Variants in PON2 observed in about 807,000 individuals in gnomAD.
The protein encoded by PON2 is paraoxonase 2.
Under a neutral mutation model 36.6 loss-of-function variants are expected in PON2, and 27 were observed. That is an observed-to-expected ratio of 0.74 (90% CI 0.54 to 1.02). The LOEUF is 1.02. Among genes scored for constraint, PON2 ranks in the 50% least tolerant of loss-of-function variants. PON2 has a pLI of 0.00. For synonymous variants in PON2, 149 were observed against 156.3 expected (o/e 0.95, Z 0.35); for missense variants, 363 against 421.1 (o/e 0.86, Z 1.21).
intron 2 of PON2, among the ~76,000 whole-genome samples, chr7:95,419,128 G>A (rs1191751313): frequency 1.3e-5 from 2 of 152,126 alleles, no homozygotes; most frequent in Non-Finnish European, 2.9e-5. Context: ...TGTTTAAAAG[G>A]TGTAGCTTTA....
intron 3 of PON2, among the ~76,000 whole-genome samples, chr7:95,413,318 C>A (rs1788984215): frequency 6.6e-6 from 1 of 151,946 alleles, no homozygotes; most frequent in South Asian, 2.1e-4. Flanking sequence ...ACAGTTTTGT[C>A]TTTTTCTTTT....
intron 1 of PON2, among the ~76,000 whole-genome samples, 156 bp downstream of exon 1, chr7:95,434,722 C>T (rs1208676956): frequency 6.6e-6 from 1 of 152,196 alleles, no homozygotes; most frequent in Admixed American, 6.5e-5. Flanking sequence ...GGGGGTTCAA[C>T]TAGCTGGGGG....
chr7:95,434,810 TC>T, intron 1 of PON2, 67 bp downstream of exon 1: 1 of 1,503,738 alleles, frequency 6.7e-7, no homozygotes, highest in African/African-American at 1.4e-5. Flanking sequence ...GCCTGCGCCC[TC>T]CCCGCACCAC....
chr7:95,417,257 C>T (rs1212402232), intron 2 of PON2, among the ~76,000 whole-genome samples: 1 of 152,140 alleles, frequency 6.6e-6, no homozygotes, highest in Non-Finnish European at 1.5e-5. Flanking sequence ...TAGCCAGTTG[C>T]CTCCAGTGTT....
At chr7:95,426,539 A>G (rs1464158694) in intron 1 of PON2, among the ~76,000 whole-genome samples, 38 of 152,238 alleles carry the variant, frequency 2.5e-4, no homozygotes, top group Non-Finnish European at 7.3e-5. Context: ...TGCTGGAAGC[A>G]GGGAAGCTTT....
chr7:95,417,460 G>A (rs1161002689), intron 2 of PON2, among the ~76,000 whole-genome samples: 4 of 151,946 alleles, frequency 2.6e-5, no homozygotes, highest in Non-Finnish European at 5.9e-5. Context: ...GTGAACCCTC[G>A]GAAATTCTAT....
At chr7:95,431,859 C>G (rs1263931679) in intron 1 of PON2, among the ~76,000 whole-genome samples, 11 of 151,314 alleles carry the variant, frequency 7.3e-5, no homozygotes, top group Admixed American at 7.3e-4. Flanking sequence ...ATAATTATGT[C>G]CCAAATTCCA....
intron 2 of PON2, among the ~76,000 whole-genome samples, chr7:95,423,037 A>G (rs937419257): frequency 6.2e-4 from 95 of 152,336 alleles, no homozygotes; most frequent in African/African-American, 4.8e-5. Flanking sequence ...AGGAAAGCCA[A>G]TATTGGCTGG....
At chr7:95,424,626 G>C in intron 1 of PON2, 41 bp from the exon 2 acceptor site, 1 of 1,494,326 alleles carries the variant, frequency 6.7e-7, no homozygotes, top group Middle Eastern at 2.2e-4. Context: ...AAAACTATTT[G>C]TTTATGTATT....
intron 3 of PON2, chr7:95,415,947 C>T (rs773659667): frequency 6.3e-5 from 27 of 426,140 alleles, no homozygotes; most frequent in Admixed American, 1.2e-4. Context: ...AACAAGACTC[C>T]GTCTCAAAAA....
At chr7:95,426,987 A>G (rs1290119054) in intron 1 of PON2, among the ~76,000 whole-genome samples, 1 of 152,198 alleles carries the variant, frequency 6.6e-6, no homozygotes, top group African/African-American at 2.4e-5. Flanking sequence ...TTCAGAGTCA[A>G]CTTAGGTTTG....
chr7:95,405,763 C>T (rs1809667885), intron 8 of PON2, among the ~76,000 whole-genome samples: 1 of 152,056 alleles, frequency 6.6e-6, no homozygotes, highest in South Asian at 2.1e-4. Flanking sequence ...ACTAATGTGC[C>T]TACTTTCACA....
At chr7:95,433,408 C>G (rs1025464756) in intron 1 of PON2, among the ~76,000 whole-genome samples, 1 of 152,154 alleles carries the variant, frequency 6.6e-6, no homozygotes, top group East Asian at 1.9e-4. Context: ...TCCAGAACAG[C>G]TGAATCAGAA....
chr7:95,411,842 C>T, intron 4 of PON2, 63 bp from the exon 5 acceptor site: 1 of 1,566,458 alleles, frequency 6.4e-7, no homozygotes, highest in Non-Finnish European at 8.8e-7. Context: ...TGGGCAGGCA[C>T]TGACATTTAA....
intron 6 of PON2, 40 bp downstream of exon 6, chr7:95,409,861 C>A (rs2116458162): frequency 1.2e-5 from 19 of 1,594,286 alleles, no homozygotes; most frequent in Non-Finnish European, 1.6e-5. Context: ...GCCAGCACCA[C>A]AACTGAAGAA....
rs373069726 is a variant in PON2, at chr7:95,410,003, T to G, written c.593A>C (p.Asn198Thr). The change falls in exon 6 of 9, where the codon AAC (asparagine) becomes ACC (threonine). Residue 198 changes from asparagine to threonine, a missense_variant. By Grantham distance (65) the Asn-to-Thr change is moderately conservative. Coordinates refer to ENST00000222572, the MANE Select transcript of PON2 (RefSeq NM_000305.3). ...GTAAACAACATTTGCCCAGTGTAAG[T>G]TCAAGTATGTTTCTAAATACTTTAA... is the stretch of plus-strand genomic sequence containing the variant. The part of the protein sequence containing the change: ...PFLKYLETYL[N>T]LHWANVVYYS... 3.1e-6 allele frequency: 5 copies of G among 1,613,764 alleles called. No individual in the cohort carries two copies. Among genetic ancestry groups the G allele is most frequent in the Non-Finnish European group, 4.2e-6 (5 of 1,179,786 alleles).
intron 2 of PON2, 94 bp from the exon 3 acceptor site, chr7:95,416,391 C>CA: frequency 7.2e-7 from 1 of 1,391,384 alleles, no homozygotes; most frequent in Non-Finnish European, 1.0e-6. Flanking sequence ...ATCAGAGTGA[C>CA]TGTATCTTTA....
At chr7:95,416,370 C>T in intron 2 of PON2, 73 bp from the exon 3 acceptor site, 1 of 1,509,758 alleles carries the variant, frequency 6.6e-7, no homozygotes, top group Non-Finnish European at 9.2e-7. Flanking sequence ...AACTGGGACT[C>T]TGTTTACTTT....
At chr7:95,425,953 C>T (rs1415612084) in intron 1 of PON2, among the ~76,000 whole-genome samples, 2 of 152,044 alleles carry the variant, frequency 1.3e-5, no homozygotes, top group African/African-American at 4.8e-5. Context: ...CAATAAATCT[C>T]ATGGCCTACG....
Sources: gnomAD v4.1 joint callset for allele counts (sites outside exome capture counted in the v4.1 genomes callset) on GRCh38, gnomAD v4.1.1 for gene constraint, MANE v1.5 for transcripts, NCBI Gene and HGNC (gene_info 2026-07-23, HGNC 2026-07-21) for gene names.